NPR3: variants seen among roughly 807,000 people sequenced by gnomAD.
The protein encoded by NPR3 is natriuretic peptide receptor 3, also known as atrial natriuretic peptide receptor 3.
A neutral mutation model predicts 54.5 loss-of-function variants in NPR3; 34 were observed. The observed-to-expected ratio is 0.62, with a 90% confidence interval of 0.47 to 0.83. The LOEUF (loss-of-function observed/expected upper bound fraction) is 0.83. Ranked by LOEUF, NPR3 falls within the 40% of genes least tolerant of loss-of-function variation. The pLI, the probability that NPR3 is intolerant of heterozygous loss-of-function variation, is 0.00. For missense variants in NPR3, 674 were observed against 720.8 expected, an observed-to-expected ratio of 0.94 and a Z score of 0.74; for synonymous variants, 289 against 297.1, an observed-to-expected ratio of 0.97 and a Z score of 0.28.
chr5:32,778,362 G>T (rs1032149604), intron 4 of NPR3, among the ~76,000 whole-genome samples: 1 of 152,126 alleles, frequency 6.6e-6, no homozygotes, highest in Non-Finnish European at 1.5e-5. Flanking sequence ...GGTCTCTAAG[G>T]TATCTGTATG....
Position 32,712,265 on chromosome 5 carries a change from C to T in NPR3, c.489C>T (p.Gly163=), listed in dbSNP as rs1738289150. The change falls in exon 1 of 8, where the codon GGC becomes GGT. Residue 163 remains glycine (G), a synonymous_variant. Transcript: ENST00000265074. ...PMLSAGALAA[G]FQHKDSEYSH... ...TGTCGGCTGGGGCGCTGGCCGCTGG[C>T]TTCCAGCACAAGGACTCTGAGTACT... is the stretch of plus-strand genomic sequence containing the variant. 6.2e-7 allele frequency: 1 copy of T among 1,612,838 alleles called. No individual in the cohort carries two copies. The highest frequency in any genetic ancestry group is 1.1e-5 in the South Asian group (1 of 91,070).
intron 5 of NPR3, among the ~76,000 whole-genome samples, chr5:32,781,400 A>G (rs988141002): frequency 2.0e-5 from 3 of 152,176 alleles, no homozygotes; most frequent in African/African-American, 7.2e-5. Flanking sequence ...AAATATACAT[A>G]TACAATTATA....
chr5:32,767,068 C>A (rs537512243), intron 3 of NPR3, among the ~76,000 whole-genome samples: 1 of 152,328 alleles, frequency 6.6e-6, no homozygotes, highest in Non-Finnish European at 1.5e-5. Flanking sequence ...TCAGTCACAG[C>A]AACTGAAGGA....
At chr5:32,739,195 TC>T (rs1739918255) in intron 3 of NPR3, among the ~76,000 whole-genome samples, 165 bp downstream of exon 3, 1 of 151,446 alleles carries the variant, frequency 6.6e-6, no homozygotes, top group Non-Finnish European at 1.5e-5. Flanking sequence ...TTTTTTTTTT[TC>T]CTTTCTGGGT....
intron 2 of NPR3, among the ~76,000 whole-genome samples, chr5:32,730,961 A>G (rs1178955109): frequency 1.3e-5 from 2 of 152,210 alleles, no homozygotes; most frequent in Non-Finnish European, 2.9e-5. Flanking sequence ...TGTAAGGAAG[A>G]TTATTCTAAC....
At chr5:32,706,150 C>G (rs1055216650), upstream of NPR3, among the ~76,000 whole-genome samples, 1 of 152,122 alleles carries the variant, frequency 6.6e-6, no homozygotes, top group Non-Finnish European at 1.5e-5. Flanking sequence ...ACCTCCCTGC[C>G]AACCCTGCAC....
At chr5:32,765,047 C>T (rs1741380000) in intron 3 of NPR3, among the ~76,000 whole-genome samples, 1 of 151,920 alleles carries the variant, frequency 6.6e-6, no homozygotes, top group South Asian at 2.1e-4. Flanking sequence ...GATAGAAAAG[C>T]TTTCAAAAAA....
At chr5:32,712,982 GT>G (rs1738343702) in intron 1 of NPR3, 1 of 163,866 alleles carries the variant, frequency 6.1e-6, no homozygotes, top group Admixed American at 6.5e-5. Context: ...GTGCGGAAGC[GT>G]CCGCGGACGC....
chr5:32,759,693 C>T (rs929299886), intron 3 of NPR3, among the ~76,000 whole-genome samples: 1 of 152,184 alleles, frequency 6.6e-6, no homozygotes, highest in Non-Finnish European at 1.5e-5. Flanking sequence ...GCAGTTTCTT[C>T]CTAGCATCAG....
chr5:32,725,741 G>A (rs1739106317), intron 2 of NPR3, among the ~76,000 whole-genome samples: 1 of 152,186 alleles, frequency 6.6e-6, no homozygotes, highest in Admixed American at 6.5e-5. Flanking sequence ...GTGTGTATAT[G>A]TGCATGTTAC....
At chr5:32,710,878 CGGTGTGTGTGTGTATATGTGTGTGTG>C (rs1279247000), upstream of NPR3, 5 of 1,063,002 alleles carry the variant, frequency 4.7e-6, no homozygotes, top group Admixed American at 8.3e-5. Context: ...TTTTTTTGCA[CGGTGTGTGTGTGTATATGTGTGTGTG>C]TGTGTGTGTG....
At chr5:32,697,227 A>G (rs960552924) in intron 1 of NPR3, among the ~76,000 whole-genome samples, 5 of 152,134 alleles carry the variant, frequency 3.3e-5, no homozygotes, top group South Asian at 2.1e-4. Flanking sequence ...TTCAGCATCA[A>G]TTGAAATGAT....
intron 3 of NPR3, among the ~76,000 whole-genome samples, chr5:32,749,424 T>C (rs1383710891): frequency 6.6e-6 from 1 of 152,238 alleles, no homozygotes; most frequent in Non-Finnish European, 1.5e-5. Flanking sequence ...TTCCTAAACT[T>C]TTGGTAATCC....
intron 1 of NPR3, chr5:32,716,260 G>A (rs1454685194): frequency 6.0e-6 from 2 of 334,960 alleles, no homozygotes; most frequent in African/African-American, 2.2e-5. Context: ...ACTACACAAG[G>A]TTTATGAGGA....
At chr5:32,743,566 C>T (rs1740143401) in intron 3 of NPR3, among the ~76,000 whole-genome samples, 1 of 152,154 alleles carries the variant, frequency 6.6e-6, no homozygotes, top group Admixed American at 6.5e-5. Context: ...GTAACCATTT[C>T]TGCACTCCTA....
intron 2 of NPR3, among the ~76,000 whole-genome samples, chr5:32,733,119 A>G (rs1374555193): frequency 2.0e-5 from 3 of 152,194 alleles, no homozygotes; most frequent in African/African-American, 7.2e-5. Context: ...TGCTGGGATT[A>G]CAGACGTGAG....
Position 32,789,797 on chromosome 5 carries a change from A to C in NPR3, c.*3452A>C. The stretch of plus-strand genomic sequence containing the variant: ...CATGCAGATAGTGATGGATTCAGAA[A>C]GTAGGTTCCAGTGGCGTCACTACCT... On this transcript the variant is annotated 3_prime_UTR_variant, in exon 8 of 8. Coordinates refer to ENST00000265074, the MANE Select transcript of NPR3 (RefSeq NM_001204375.2). 1 of 508,130 alleles carries C rather than the reference A, an allele frequency of 2.0e-6. No individual in the cohort carries two copies. Among genetic ancestry groups the C allele is most frequent in the South Asian group, 1.5e-5 (1 of 66,698 alleles). 31.5% of individuals were successfully genotyped at this position (508,130 alleles called of 1,614,324 possible). A position where few individuals can be genotyped will look rare whatever the true frequency, so the allele number is the denominator to read the frequency against.
rs1208257634 is a variant in NPR3 at position 32,786,860 on chromosome 5, C to G, written c.*515C>G. ...AGGACAGGTTTGTGGTTGAGGACTT[C>G]TCTGTCCGATGTCTACATTCAGGTT... On this transcript the variant is annotated 3_prime_UTR_variant, in exon 8 of 8. Transcript: ENST00000265074. 6.4e-6 allele frequency: 1 copy of G among 155,532 alleles called. No homozygotes were observed. The highest frequency in any genetic ancestry group is 1.4e-5 in the Non-Finnish European group (1 of 70,474). 9.6% of individuals were successfully genotyped at this position (155,532 alleles called of 1,614,324 possible).
At chr5:32,757,721 G>A (rs1740922003) in intron 3 of NPR3, among the ~76,000 whole-genome samples, 1 of 152,188 alleles carries the variant, frequency 6.6e-6, no homozygotes. Flanking sequence ...CATTCAGTAT[G>A]ATATTGGCTG....
Sources: gnomAD v4.1 joint callset for allele counts (sites outside exome capture counted in the v4.1 genomes callset) on GRCh38, gnomAD v4.1.1 for gene constraint, MANE v1.5 for transcripts, NCBI Gene and HGNC (gene_info 2026-07-23, HGNC 2026-07-21) for gene names.